BLZF1: variants seen among roughly 807,000 people sequenced by gnomAD.
BLZF1 encodes basic leucine zipper nuclear factor 1, also known as golgin-45.
In BLZF1, 39 loss-of-function variants were observed where a neutral mutation model predicts 43.8. The ratio of observed to expected loss-of-function variants is 0.89; its 90% CI spans 0.69 to 1.16. The LOEUF (loss-of-function observed/expected upper bound fraction) is 1.16. BLZF1 is among the 50% of genes most tolerant of loss of function. The pLI is 0.00. For missense variants in BLZF1, 449 were observed against 469.8 expected (o/e 0.96, Z 0.41); for synonymous variants, 136 against 159.4 (o/e 0.85, Z 1.11).
chr1:169,375,391 A>AATATAT, intron 2 of BLZF1, among the ~76,000 whole-genome samples: 1 of 51,840 alleles, frequency 1.9e-5, no homozygotes, highest in South Asian at 9.2e-4. Context: ...ATATATATAA[A>AATATAT]ACATATATAT....
intron 6 of BLZF1, among the ~76,000 whole-genome samples, chr1:169,383,098 C>T (rs1654573729): frequency 6.6e-6 from 1 of 152,172 alleles, no homozygotes; most frequent in African/African-American, 2.4e-5. Context: ...GCTGCAAACC[C>T]CAGTCCTGTG....
chr1:169,380,354 C>A, intron 4 of BLZF1, 127 bp from the exon 5 acceptor site: 1 of 781,928 alleles, frequency 1.3e-6, no homozygotes, highest in East Asian at 3.1e-5. Context: ...AATTTAAAAA[C>A]TGTGAAGTAA....
intron 2 of BLZF1, among the ~76,000 whole-genome samples, chr1:169,369,929 G>A (rs1031972391): frequency 1.1e-4 from 16 of 152,298 alleles, no homozygotes; most frequent in African/African-American, 3.9e-4. Context: ...GTTTGCTGGG[G>A]TTGCTGTAAC....
chr1:169,387,536 C>A lies in BLZF1; in HGVS notation c.*354C>A. The A allele has an allele frequency of 5.9e-6, 1 of 168,940 alleles. No homozygotes were observed. Among genetic ancestry groups the A allele is most frequent in the Admixed American group, 6.4e-5 (1 of 15,666 alleles). The allele number at this position is 168,940 out of a possible 1,614,324, so 10.5% of individuals were successfully genotyped here. ...TATATGAACAGTGTTAATTTAGATG[C>A]ACTAAAGCAAAGGTAGGCAAACTAC... On this transcript the variant is annotated 3_prime_UTR_variant, in exon 7 of 7. Coordinates refer to ENST00000367808, the MANE Select transcript of BLZF1 (RefSeq NM_001320973.2).
Position 169,387,028 on chromosome 1 carries a change from AAG to A in BLZF1, c.1054_1055del (p.Ser352PhefsTer3), listed in dbSNP as rs1487516357. 6.2e-7 allele frequency: 1 copy of A among 1,611,626 alleles called. No homozygotes were observed. Among genetic ancestry groups the A allele is most frequent in the African/African-American group, 1.3e-5 (1 of 74,758 alleles). ...AGAATTTTAGATCCAGTTACCTGCA[AAG>A]AGAGTTCACCTGATAATCCATTTTT... On this transcript the variant is annotated frameshift_variant, in exon 7 of 7. Coordinates refer to ENST00000367808, the MANE Select transcript of BLZF1 (RefSeq NM_001320973.2). LOFTEE classifies it high-confidence loss of function.
intron 7 of BLZF1, among the ~76,000 whole-genome samples, chr1:169,393,857 C>T (rs1208209508): frequency 1.3e-5 from 2 of 152,138 alleles, no homozygotes; most frequent in Non-Finnish European, 2.9e-5. Flanking sequence ...CTGCCTCAAC[C>T]TCCCAAAGTG....
chr1:169,381,991 C>A, intron 5 of BLZF1, 71 bp from the exon 6 acceptor site: 1 of 1,081,004 alleles, frequency 9.3e-7, no homozygotes, highest in Non-Finnish European at 1.4e-6. Flanking sequence ...ATTTGTATTA[C>A]CTATTTACTA....
At chr1:169,395,903 C>A (rs1404976580) in exon 8 of BLZF1, 4 of 140,468 alleles carry the variant, frequency 2.8e-5, no homozygotes, top group Non-Finnish European at 1.5e-5. Context: ...GAATAAACAA[C>A]TAAATAACTG....
intron 2 of BLZF1, among the ~76,000 whole-genome samples, chr1:169,372,964 C>G (rs951723387): frequency 6.6e-6 from 1 of 151,960 alleles, no homozygotes; most frequent in Non-Finnish European, 1.5e-5. Flanking sequence ...ATTATTAGAC[C>G]TATGTTATCA....
At chr1:169,390,705 T>C (rs1307567397), downstream of BLZF1, among the ~76,000 whole-genome samples, 1 of 152,174 alleles carries the variant, frequency 6.6e-6, no homozygotes, top group Non-Finnish European at 1.5e-5. Flanking sequence ...AAAAAAAATT[T>C]TTTTTCCCAC....
intron 6 of BLZF1, among the ~76,000 whole-genome samples, chr1:169,382,791 C>T (rs1654562754): frequency 6.6e-6 from 1 of 152,172 alleles, no homozygotes. Context: ...CGTTACAACT[C>T]TCATGTCCCC....
In BLZF1 at chr1:169,387,943, T is replaced by C. The variant is rs1654719889; in HGVS notation, c.*761T>C. On this transcript the variant is annotated 3_prime_UTR_variant, in exon 7 of 7. Coordinates refer to ENST00000367808, the MANE Select transcript of BLZF1 (RefSeq NM_001320973.2). ...AAGAAACAGATTCTTAACTATTGAC[T>C]CTTATTTAGCAAATGCAACAGACAA... 6.6e-6 allele frequency: 1 copy of C among 152,192 alleles called. No individual in the cohort carries two copies. The highest frequency in any genetic ancestry group is 1.5e-5 in the Non-Finnish European group (1 of 68,042). 9.4% of individuals were successfully genotyped at this position (152,192 alleles called of 1,614,324 possible). A position where few individuals can be genotyped will look rare whatever the true frequency, so the allele number is the denominator to read the frequency against.
At chr1:169,378,928 A>G (rs1011071490) in intron 4 of BLZF1, among the ~76,000 whole-genome samples, 1 of 151,954 alleles carries the variant, frequency 6.6e-6, no homozygotes, top group Non-Finnish European at 1.5e-5. Flanking sequence ...TAACTATATA[A>G]TAAAGCTTCC....
At chr1:169,386,911 C>A in intron 6 of BLZF1, 86 bp from the exon 7 acceptor site, 1 of 928,212 alleles carries the variant, frequency 1.1e-6, no homozygotes, top group Non-Finnish European at 1.6e-6. Flanking sequence ...TGAAGTGAAA[C>A]TTTATAGGTA....
intron 5 of BLZF1, 77 bp from the exon 6 acceptor site, chr1:169,381,985 G>T: frequency 2.9e-6 from 3 of 1,037,636 alleles, no homozygotes; most frequent in Non-Finnish European, 2.8e-6. Context: ...AGAAATATTT[G>T]TATTACCTAT....
intron 4 of BLZF1, among the ~76,000 whole-genome samples, chr1:169,378,882 T>A (rs1003534416): frequency 3.3e-5 from 5 of 152,004 alleles, no homozygotes; most frequent in African/African-American, 7.2e-5. Flanking sequence ...CAAGATAATA[T>A]TATTCATTCT....
chr1:169,378,492 C>A lies in BLZF1; in HGVS notation c.631C>A (p.Gln211Lys). Residue 211 changes from glutamine to lysine, a missense_variant, in exon 4 of 7, where the codon CAG (glutamine) becomes AAG (lysine). Physicochemically the swap from Gln to Lys is moderately conservative, Grantham distance 53. Coordinates refer to ENST00000367808, the MANE Select transcript of BLZF1 (RefSeq NM_001320973.2). ...LSEQLERMSI[Q>K]CDVWRSKFLA... ...TGAACAGTTAGAACGTATGTCAATACAGTGTGATGTATGGCGAAGTAAATT... is the reference window on the plus strand; with the variant it reads ...TGAACAGTTAGAACGTATGTCAATAAAGTGTGATGTATGGCGAAGTAAATT... 6.2e-7 allele frequency: 1 copy of A among 1,612,716 alleles called. No homozygotes were observed. Among genetic ancestry groups the A allele is most frequent in the Non-Finnish European group, 8.5e-7 (1 of 1,179,000 alleles).
intron 4 of BLZF1, among the ~76,000 whole-genome samples, chr1:169,380,169 A>G (rs1571440214): frequency 6.6e-6 from 1 of 151,908 alleles, no homozygotes; most frequent in African/African-American, 2.4e-5. Flanking sequence ...AAAATATTTA[A>G]TAATTTTTTC....
chr1:169,373,637 A>G (rs2102007531), intron 2 of BLZF1, among the ~76,000 whole-genome samples: 1 of 152,344 alleles, frequency 6.6e-6, no homozygotes, highest in Admixed American at 6.5e-5. Context: ...TGCTTGAGTA[A>G]GTAGAACAGT....
Sources: gnomAD v4.1 joint callset for allele counts (sites outside exome capture counted in the v4.1 genomes callset) on GRCh38, gnomAD v4.1.1 for gene constraint, MANE v1.5 for transcripts, NCBI Gene and HGNC (gene_info 2026-07-23, HGNC 2026-07-21) for gene names.